Variants in LNX2 observed in about 807,000 individuals in gnomAD.
LNX2 encodes ligand of numb-protein X 2.
A neutral mutation model predicts 66.2 loss-of-function variants in LNX2; 35 were observed. The observed-to-expected ratio is 0.53, with a 90% CI of 0.40 to 0.70. The LOEUF (loss-of-function observed/expected upper bound fraction) is 0.70. LNX2 is among the 30% of genes least tolerant of loss of function. LNX2 has a pLI of 0.00. For missense variants in LNX2, 791 were observed against 850.8 expected (o/e 0.93, Z 0.87); for synonymous variants, 337 against 315.6 (o/e 1.07, Z -0.72).
chr13:27,597,854 T>C (rs1360977176), intron 1 of LNX2, among the ~76,000 whole-genome samples: 2 of 152,134 alleles, frequency 1.3e-5, no homozygotes, highest in African/African-American at 4.8e-5. Context: ...AAGAGAATTA[T>C]AAGGGAACTT....
At chr13:27,620,243 A>G (rs1955882756) in intron 1 of LNX2, 132 bp downstream of exon 1, 1 of 152,038 alleles carries the variant, frequency 6.6e-6, no homozygotes, top group Non-Finnish European at 1.5e-5. Context: ...CTCCGGGGCG[A>G]GCTGTGGCGC....
chr13:27,594,345 C>A (rs1325037802), intron 1 of LNX2, among the ~76,000 whole-genome samples: 1 of 151,538 alleles, frequency 6.6e-6, no homozygotes, highest in Non-Finnish European at 1.5e-5. Flanking sequence ...AAGACAGCAA[C>A]CCTTTATCAC....
chr13:27,556,224 A>T lies in LNX2; in HGVS notation c.1546+12T>A, dbSNP rs767481540. On this transcript the variant is annotated intron_variant, in intron 7 of 9. Coordinates refer to ENST00000316334, the MANE Select transcript of LNX2 (RefSeq NM_153371.4). ...ATAAGATGTGGTAAAATTTTTCAAGATCCCATCTTACCTCTCTTTATTCTG... is the reference window on the plus strand; with the variant it reads ...ATAAGATGTGGTAAAATTTTTCAAGTTCCCATCTTACCTCTCTTTATTCTG... 6.2e-7 allele frequency: 1 copy of T among 1,602,556 alleles called. No individual in the cohort carries two copies. Among genetic ancestry groups the T allele is most frequent in the Non-Finnish European group, 8.5e-7 (1 of 1,174,478 alleles).
chr13:27,620,625 G>A (rs1955893601), upstream of LNX2: 1 of 154,296 alleles, frequency 6.5e-6, no homozygotes, highest in Non-Finnish European at 1.4e-5. Flanking sequence ...ACCCGCACCC[G>A]GGCCAATCGG....
intron 1 of LNX2, among the ~76,000 whole-genome samples, chr13:27,590,171 T>G (rs904071278): frequency 2.6e-5 from 4 of 152,110 alleles, no homozygotes; most frequent in African/African-American, 9.7e-5. Context: ...AGGTTTCACA[T>G]GTTAGCCAAA....
At chr13:27,603,302 T>C (rs1955678094) in intron 1 of LNX2, among the ~76,000 whole-genome samples, 1 of 152,214 alleles carries the variant, frequency 6.6e-6, no homozygotes, top group Non-Finnish European at 1.5e-5. Flanking sequence ...AGTCACCTTT[T>C]CTAACATAAC....
intron 1 of LNX2, among the ~76,000 whole-genome samples, chr13:27,619,849 T>TC (rs1955873414): frequency 6.6e-6 from 1 of 152,146 alleles, no homozygotes; most frequent in African/African-American, 2.4e-5. Context: ...CAAATCTCTC[T>TC]CCCACCCTCT....
rs140619257 is a variant in LNX2 at position 27,548,401 on chromosome 13, G to T, written c.2007C>A (p.Pro669=). 4.3e-6 allele frequency: 7 copies of T among 1,614,014 alleles called. No individual in the cohort carries two copies. The East Asian group carries it at 1.3e-4, about 31-fold the overall frequency. ...CTTTGTTCCTCTGCTCCTTCAACAT[G>T]GGAACTAGTGCAGAGTGGCTCATGC... ...TVGMSHSALV[P]MLKEQRNKVT... is the part of the protein sequence containing the mutation. The change falls in exon 10 of 10, where the codon CCC becomes CCA. Residue 669 remains proline (P), a synonymous_variant. Transcript: ENST00000316334.
intron 2 of LNX2, among the ~76,000 whole-genome samples, chr13:27,572,428 G>C (rs929674193): frequency 6.6e-6 from 1 of 152,224 alleles, no homozygotes; most frequent in Non-Finnish European, 1.5e-5. Flanking sequence ...CCATACAGTG[G>C]AGCTCTGAGA....
chr13:27,601,280 C>A (rs529282719), intron 1 of LNX2, among the ~76,000 whole-genome samples: 1 of 152,170 alleles, frequency 6.6e-6, no homozygotes, highest in South Asian at 2.1e-4. Flanking sequence ...CCAAAGTCCA[C>A]GTTCAGCAGT....
At chr13:27,566,863 C>T (rs1273484079) in intron 4 of LNX2, among the ~76,000 whole-genome samples, 1 of 152,092 alleles carries the variant, frequency 6.6e-6, no homozygotes, top group Non-Finnish European at 1.5e-5. Context: ...TTTTAAGCTT[C>T]AATTATTATC....
intron 1 of LNX2, among the ~76,000 whole-genome samples, chr13:27,610,543 A>C (rs998585870): frequency 6.6e-6 from 1 of 152,226 alleles, no homozygotes; most frequent in Admixed American, 6.5e-5. Flanking sequence ...TGAAACTATA[A>C]AACTCCTAGA....
At position 27,620,471 on chromosome 13, in the gene LNX2, C is replaced by T. The variant is rs1032380819; in HGVS notation, c.-197G>A. The T allele has an allele frequency of 1.3e-4, 21 of 164,398 alleles. No homozygotes were observed. Among genetic ancestry groups the T allele is most frequent in the Admixed American group, 2.6e-4 (4 of 15,356 alleles). 10.2% of individuals were successfully genotyped at this position (164,398 alleles called of 1,614,324 possible). A position where few individuals can be genotyped will look rare whatever the true frequency, so the allele number is the denominator to read the frequency against. On this transcript the variant is annotated 5_prime_UTR_variant, in exon 1 of 10. Transcript: ENST00000316334. ...GCGGCCCGCTGAGGGAGCGGAGAGC[C>T]TGCCCGGCTCCGCTCCGCCAGGAAT...
intron 1 of LNX2, among the ~76,000 whole-genome samples, chr13:27,595,817 C>T (rs1955590755): frequency 6.6e-6 from 1 of 152,094 alleles, no homozygotes; most frequent in Non-Finnish European, 1.5e-5. Context: ...GTTTCTCTGC[C>T]ACCTCCCCTA....
intron 2 of LNX2, among the ~76,000 whole-genome samples, chr13:27,580,706 A>T (rs1484686075): frequency 6.6e-6 from 1 of 152,202 alleles, no homozygotes; most frequent in Non-Finnish European, 1.5e-5. Flanking sequence ...CTGAACCCAG[A>T]ATCTTTACAA....
intron 6 of LNX2, among the ~76,000 whole-genome samples, chr13:27,557,549 T>C (rs1566116038): frequency 6.6e-6 from 1 of 152,088 alleles, no homozygotes; most frequent in African/African-American, 2.4e-5. Flanking sequence ...GAGAATGTTG[T>C]AGATAATTAA....
chr13:27,590,657 T>C (rs916784238), intron 1 of LNX2, among the ~76,000 whole-genome samples: 1 of 152,144 alleles, frequency 6.6e-6, no homozygotes, highest in Non-Finnish European at 1.5e-5. Flanking sequence ...TTATACTTTT[T>C]CATAAAAAAT....
At chr13:27,614,690 A>C (rs1955808392) in intron 1 of LNX2, among the ~76,000 whole-genome samples, 1 of 152,222 alleles carries the variant, frequency 6.6e-6, no homozygotes. Flanking sequence ...AAGAAGAAAA[A>C]GTCACAAAAC....
intron 1 of LNX2, among the ~76,000 whole-genome samples, chr13:27,604,010 G>A (rs571286984): frequency 5.0e-4 from 75 of 150,358 alleles, no homozygotes; most frequent in Non-Finnish European, 7.8e-4. Context: ...ATCCCAGCAC[G>A]TTGGGAGGCT....
Sources: gnomAD v4.1 joint callset for allele counts (sites outside exome capture counted in the v4.1 genomes callset) on GRCh38, gnomAD v4.1.1 for gene constraint, MANE v1.5 for transcripts, NCBI Gene and HGNC (gene_info 2026-07-23, HGNC 2026-07-21) for gene names.